ZFHX3: variants seen among roughly 807,000 people sequenced by gnomAD.
ZFHX3 encodes the protein zinc finger homeobox 3, also known as zinc finger homeobox protein 3.
ZFHX3 carries 42 observed loss-of-function variants against 279.1 expected under a neutral mutation model. That is an observed-to-expected ratio of 0.15 (90% CI 0.12 to 0.19). ZFHX3 has a LOEUF of 0.19. Among genes scored for constraint, ZFHX3 ranks in the 10% least tolerant of loss-of-function variants. ZFHX3 has a pLI of 1.00. For missense variants in ZFHX3, 4,981 were observed against 4,754.0 expected (o/e 1.05, Z -1.40); for synonymous variants, 2,293 against 1,957.8 (o/e 1.17, Z -4.52).
Position 73,313,719 on chromosome 16 carries a change from T to A in ZFHX3, c.-1194+4521A>T, listed in dbSNP as rs182765562. Among the ~76,000 whole-genome samples, 685 of 152,338 alleles carry A rather than the reference T, an allele frequency of 4.5e-3. 9 individuals carry two copies. The highest frequency in any genetic ancestry group is 5.2e-3 in the Non-Finnish European group (354 of 68,034). ...ACAAACATGTACACAGCCCACACTA[T>A]GTGTCAGGCAAACACAGCAGACCTA... On this transcript the variant is annotated intron_variant, in intron 4 of 17. Transcript: ENST00000641206.
At chr16:73,648,459 G>A (rs1471479020) in intron 2 of ZFHX3, among the ~76,000 whole-genome samples, 6 of 152,044 alleles carry the variant, frequency 3.9e-5, no homozygotes, top group African/African-American at 1.4e-4. Flanking sequence ...GCCCAGTCTC[G>A]GCTCACTGCA....
At chr16:72,935,090 G>C (rs866643299) in intron 3 of ZFHX3, among the ~76,000 whole-genome samples, 1 of 152,202 alleles carries the variant, frequency 6.6e-6, no homozygotes, top group Non-Finnish European at 1.5e-5. Flanking sequence ...TGTATGTGCT[G>C]GGTCACTCAT....
At chr16:73,822,008 C>T (rs875270) in intron 1 of ZFHX3, among the ~76,000 whole-genome samples, 26,131 of 152,110 alleles carry the variant, frequency 0.17, 2,533 homozygotes, top group East Asian at 0.42. Flanking sequence ...TGCCTTTGAG[C>T]ACAGTTGAGG....
chr16:73,325,928 A>ACACAAACACACACACAC (rs1567451240), intron 3 of ZFHX3, among the ~76,000 whole-genome samples: 8 of 145,492 alleles, frequency 5.5e-5, no homozygotes, highest in Non-Finnish European at 9.1e-5. Context: ...CACACACACA[A>ACACAAACACACACACAC]ACACACACAC....
At chr16:73,767,520 A>T (rs1232715795) in intron 1 of ZFHX3, among the ~76,000 whole-genome samples, 1 of 152,258 alleles carries the variant, frequency 6.6e-6, no homozygotes, top group Non-Finnish European at 1.5e-5. Context: ...AAGAATAAAC[A>T]CAAAAGAAGA....
At chr16:73,157,949 G>T (rs531775984) in intron 5 of ZFHX3, among the ~76,000 whole-genome samples, 1 of 151,932 alleles carries the variant, frequency 6.6e-6, no homozygotes, top group Admixed American at 6.6e-5. Flanking sequence ...GAGATGAGTT[G>T]AGGAAAATGA....
chr16:73,718,019 AT>A, intron 1 of ZFHX3, among the ~76,000 whole-genome samples: 1 of 152,250 alleles, frequency 6.6e-6, no homozygotes. Flanking sequence ...AAGGATGTTT[AT>A]TCTCATACAA....
chr16:72,869,381 GT>G (rs11348026), intron 4 of ZFHX3, among the ~76,000 whole-genome samples: 86,496 of 150,876 alleles, frequency 0.57, 24,965 homozygotes, highest in Middle Eastern at 0.6. Flanking sequence ...AGCTAAAGGT[GT>G]TTTTTTTTTC....
chr16:73,873,146 T>TGGTGGTG (rs1331596763), intron 1 of ZFHX3, among the ~76,000 whole-genome samples: 1 of 42,868 alleles, frequency 2.3e-5, no homozygotes, highest in Non-Finnish European at 4.6e-5. Flanking sequence ...TGGTGGTGGG[T>TGGTGGTG]GGTGGTGGGT....
intron 3 of ZFHX3, among the ~76,000 whole-genome samples, chr16:73,394,702 G>A (rs75605301): frequency 0.019 from 2,947 of 152,250 alleles, 38 homozygotes; most frequent in Non-Finnish European, 0.032. Context: ...AACTGGTATG[G>A]TAAATAACTT....
chr16:73,365,847 G>A (rs1025170660), intron 3 of ZFHX3, among the ~76,000 whole-genome samples: 3 of 152,182 alleles, frequency 2.0e-5, no homozygotes, highest in Admixed American at 6.5e-5. Context: ...GCAGGCAAGA[G>A]GAATGTTCCA....
chr16:73,472,150 A>G (rs2018678959), intron 2 of ZFHX3, among the ~76,000 whole-genome samples: 1 of 151,924 alleles, frequency 6.6e-6, no homozygotes, highest in South Asian at 2.1e-4. Flanking sequence ...TCTACCCCCA[A>G]GTTCCTTATT....
intron 3 of ZFHX3, among the ~76,000 whole-genome samples, chr16:73,410,284 C>T (rs2017440388): frequency 6.6e-6 from 1 of 152,092 alleles, no homozygotes; most frequent in Non-Finnish European, 1.5e-5. Context: ...GGCGTGGTAG[C>T]AGCTGCCTGT....
intron 1 of ZFHX3, among the ~76,000 whole-genome samples, chr16:73,891,309 C>T (rs917867922): frequency 6.6e-6 from 1 of 152,088 alleles, no homozygotes; most frequent in African/African-American, 2.4e-5. Flanking sequence ...GAAGATCAGA[C>T]GCTAAGACAG....
chr16:73,632,253 T>G (rs1350600351), intron 2 of ZFHX3, among the ~76,000 whole-genome samples: 1 of 152,170 alleles, frequency 6.6e-6, no homozygotes, highest in Non-Finnish European at 1.5e-5. Context: ...TTCTTACCCT[T>G]GAAGTGGTTA....
chr16:73,642,360 C>G (rs1255302587), intron 2 of ZFHX3, among the ~76,000 whole-genome samples: 2 of 152,170 alleles, frequency 1.3e-5, no homozygotes, highest in Non-Finnish European at 2.9e-5. Flanking sequence ...AGAGGACCGC[C>G]TCTCTTGTTG....
At chr16:72,816,916 A>C (rs1018386568) in intron 5 of ZFHX3, among the ~76,000 whole-genome samples, 2 of 152,262 alleles carry the variant, frequency 1.3e-5, no homozygotes, top group Non-Finnish European at 2.9e-5. Context: ...TATTTGTTTT[A>C]GAAGTATTAA....
At chr16:73,739,722 CCAAA>C (rs764067982) in intron 1 of ZFHX3, among the ~76,000 whole-genome samples, 1 of 152,180 alleles carries the variant, frequency 6.6e-6, no homozygotes. Flanking sequence ...ATCCTGAAGG[CCAAA>C]CAATCAGTTT....
intron 1 of ZFHX3, among the ~76,000 whole-genome samples, chr16:73,777,972 C>T (rs932494446): frequency 5.9e-5 from 9 of 152,092 alleles, no homozygotes; most frequent in Admixed American, 1.3e-4. Flanking sequence ...TCTGGCTACA[C>T]TGAGCCATGT....
Sources: gnomAD v4.1 joint callset for allele counts (sites outside exome capture counted in the v4.1 genomes callset) on GRCh38, gnomAD v4.1.1 for gene constraint, MANE v1.5 for transcripts, NCBI Gene and HGNC (gene_info 2026-07-23, HGNC 2026-07-21) for gene names.